The following SMAGP variants were observed in gnomAD, a reference collection of about 807,000 sequenced individuals.
The protein encoded by SMAGP is small cell transmembrane and glycosylated protein.
SMAGP carries 7 observed loss-of-function variants against 10.1 expected under a neutral mutation model. The ratio of observed to expected loss-of-function variants is 0.70; its 90% confidence interval spans 0.40 to 1.31. The LOEUF is 1.31. SMAGP is among the 50% of genes most tolerant of loss of function. The pLI, the probability that SMAGP is intolerant of heterozygous loss-of-function variation, is 0.01. For missense variants in SMAGP, 113 were observed against 116.5 expected (o/e 0.97, Z 0.14); for synonymous variants, 49 against 47.2 (o/e 1.04, Z -0.16).
chr12:51,258,949 C>T (rs577347036), intron 2 of SMAGP, among the ~76,000 whole-genome samples: 1 of 143,486 alleles, frequency 7.0e-6, no homozygotes, highest in Non-Finnish European at 1.5e-5. Context: ...GAGTTCAAAG[C>T]CAGCCTGGGC....
Position 51,270,372 on chromosome 12 carries a change from C to G in SMAGP, c.-155G>C. 2 of 204,848 alleles carry G rather than the reference C, an allele frequency of 9.8e-6. No homozygotes were observed. The highest frequency in any genetic ancestry group is 4.6e-5 in the African/African-American group (2 of 43,852). 12.7% of individuals were successfully genotyped at this position (204,848 alleles called of 1,614,324 possible). A position where few individuals can be genotyped will look rare whatever the true frequency, so the allele number is the denominator to read the frequency against. On this transcript the variant is annotated 5_prime_UTR_variant, in exon 1 of 4. Coordinates refer to ENST00000603798, the MANE Select transcript of SMAGP (RefSeq NM_001031628.2). ...GGCCAGCAGAGGCCGAACGAGGACC[C>G]CGAGCGGAGGAAGCCGCGGGTGGCG...
intron 2 of SMAGP, among the ~76,000 whole-genome samples, chr12:51,262,690 C>T (rs1021994814): frequency 2.2e-4 from 33 of 152,156 alleles, no homozygotes; most frequent in Admixed American, 2.6e-4. Context: ...CACCCAAGTC[C>T]TAACCAATAG....
chr12:51,269,817 C>G (rs951358018), intron 1 of SMAGP: 3 of 152,350 alleles, frequency 2.0e-5, no homozygotes, highest in African/African-American at 7.2e-5. Flanking sequence ...GGCCGTGGGC[C>G]GCCTTCTGGC....
chr12:51,269,138 A>G, intron 2 of SMAGP, 107 bp downstream of exon 2: 1 of 1,206,508 alleles, frequency 8.3e-7, no homozygotes, highest in South Asian at 1.2e-5. Flanking sequence ...AGGCAGGCAG[A>G]GAGAGGTGGG....
intron 2 of SMAGP, among the ~76,000 whole-genome samples, chr12:51,252,203 C>T (rs1309560015): frequency 2.0e-5 from 3 of 151,304 alleles, no homozygotes; most frequent in African/African-American, 7.3e-5. Context: ...TAGCGATTCT[C>T]CTGCCTCAGC....
Position 51,246,037 on chromosome 12 carries a change from G to T in SMAGP, c.198C>A (p.Tyr66Ter). 6.2e-7 allele frequency: 1 copy of T among 1,613,958 alleles called. No individual in the cohort carries two copies. Among genetic ancestry groups the T allele is most frequent in the South Asian group, 1.1e-5 (1 of 91,076 alleles). ...FFYLYKNKGSYVTYEPTEGEP... is the reference protein window; with the variant it reads ...FFYLYKNKGS ...CACCTTCTGTAGGTTCATAGGTGAC[G>T]TAGCTGCCTTTGTTCTTGTACAGGT... is the stretch of plus-strand genomic sequence containing the variant. The change falls in exon 4 of 4, where the codon TAC (tyrosine) becomes TAA (stop). Residue 66 changes from tyrosine (Y) to a stop codon, truncating the protein, a stop_gained. Coordinates refer to ENST00000603798, the MANE Select transcript of SMAGP (RefSeq NM_001031628.2). LOFTEE classifies it high-confidence loss of function.
chr12:51,263,752 C>T (rs916506718), intron 2 of SMAGP, among the ~76,000 whole-genome samples: 2 of 152,218 alleles, frequency 1.3e-5, no homozygotes, highest in Non-Finnish European at 2.9e-5. Context: ...TGCCCTACTT[C>T]GAATAGGGCT....
At chr12:51,251,512 G>A (rs1944838403) in intron 2 of SMAGP, 4 of 151,412 alleles carry the variant, frequency 2.6e-5, no homozygotes, top group Admixed American at 2.6e-4. Context: ...GATCACTGGA[G>A]CCCAGGAGGT....
rs1390891675 is a variant in SMAGP at position 51,245,932 on chromosome 12, T to C, written c.*9A>G. The C allele has an allele frequency of 6.2e-7, 1 of 1,611,072 alleles. No individual in the cohort carries two copies. The highest frequency in any genetic ancestry group is 8.5e-7 in the Non-Finnish European group (1 of 1,178,046). On this transcript the variant is annotated 3_prime_UTR_variant, in exon 4 of 4. Coordinates refer to ENST00000603798, the MANE Select transcript of SMAGP (RefSeq NM_001031628.2). ...AGCCAGGAATAAGCTCCTTGGGGCC[T>C]GGGAGTCATTAGATGAAATATTCCT...
At chr12:51,262,006 G>C (rs1944936394) in intron 2 of SMAGP, among the ~76,000 whole-genome samples, 2 of 151,980 alleles carry the variant, frequency 1.3e-5, no homozygotes, top group African/African-American at 4.8e-5. Context: ...TGGAGGCTGA[G>C]GTGGGAGGAT....
intron 2 of SMAGP, among the ~76,000 whole-genome samples, chr12:51,254,171 A>T (rs1043287373): frequency 1.5e-4 from 23 of 152,304 alleles, no homozygotes; most frequent in African/African-American, 5.3e-4. Context: ...TAAAATGGTC[A>T]ATTTTATGTT....
At position 51,245,746 on chromosome 12, in the gene SMAGP, T is replaced by A; in HGVS notation, c.*195A>T. 2 of 574,788 alleles carry A rather than the reference T, an allele frequency of 3.5e-6. No individual in the cohort carries two copies. Among genetic ancestry groups the A allele is most frequent in the Non-Finnish European group, 6.1e-6 (2 of 327,958 alleles). The allele number at this position is 574,788 out of a possible 1,614,324, so 35.6% of individuals were successfully genotyped here. On this transcript the variant is annotated 3_prime_UTR_variant, in exon 4 of 4. Transcript: ENST00000603798. ...TAGTAAGAGGGCCTGGTTAAAGATA[T>A]CATAAACAGCTTTCTCCATGTCCCT...
At chr12:51,252,522 G>A (rs914581739) in intron 2 of SMAGP, among the ~76,000 whole-genome samples, 1 of 151,992 alleles carries the variant, frequency 6.6e-6, no homozygotes, top group Non-Finnish European at 1.5e-5. Flanking sequence ...CTCCCAAGTA[G>A]CTGGAATTAC....
chr12:51,251,352 AG>A (rs1944835767), intron 2 of SMAGP: 1 of 149,828 alleles, frequency 6.7e-6, no homozygotes, highest in Non-Finnish European at 1.5e-5. Context: ...AGGCCAAGGC[AG>A]GTGGATCGCT....
intron 2 of SMAGP, among the ~76,000 whole-genome samples, chr12:51,250,020 C>T (rs1168316222): frequency 7.2e-5 from 11 of 151,898 alleles, no homozygotes; most frequent in Non-Finnish European, 5.9e-5. Flanking sequence ...AACATGTAAA[C>T]ATCATATAGT....
At chr12:51,268,528 CCCTT>C (rs930969468) in intron 2 of SMAGP, among the ~76,000 whole-genome samples, 1 of 151,906 alleles carries the variant, frequency 6.6e-6, no homozygotes, top group Non-Finnish European at 1.5e-5. Flanking sequence ...GAATGTAAAG[CCCTT>C]CCTTTAGGCT....
intron 3 of SMAGP, chr12:51,246,394 G>A (rs1944770103): frequency 6.3e-6 from 3 of 476,316 alleles, no homozygotes; most frequent in Non-Finnish European, 1.1e-5. Context: ...TTAAAGAAAC[G>A]GGAAGGAGGG....
At chr12:51,248,971 T>C (rs1263254779) in intron 2 of SMAGP, among the ~76,000 whole-genome samples, 2 of 148,262 alleles carry the variant, frequency 1.3e-5, no homozygotes, top group Non-Finnish European at 3.0e-5. Flanking sequence ...TCCCAGCTAC[T>C]TGGGAGGCTG....
rs566263070 is a variant in SMAGP at position 51,270,365 on chromosome 12, G to C, written c.-148C>G. The stretch of plus-strand genomic sequence containing the variant: ...TCGCGGAGGCCAGCAGAGGCCGAAC[G>C]AGGACCCCGAGCGGAGGAAGCCGCG... On this transcript the variant is annotated 5_prime_UTR_variant, in exon 1 of 4. Coordinates refer to ENST00000603798, the MANE Select transcript of SMAGP (RefSeq NM_001031628.2). The C allele has an allele frequency of 2.7e-3, 529 of 197,826 alleles. 20 individuals are homozygous for C. In the Admixed American group the frequency reaches 0.03, roughly 11 times the overall value. 12.3% of individuals were successfully genotyped at this position (197,826 alleles called of 1,614,324 possible). A position where few individuals can be genotyped will look rare whatever the true frequency, so the allele number is the denominator to read the frequency against.
Sources: gnomAD v4.1 joint callset for allele counts (sites outside exome capture counted in the v4.1 genomes callset) on GRCh38, gnomAD v4.1.1 for gene constraint, MANE v1.5 for transcripts, NCBI Gene and HGNC (gene_info 2026-07-23, HGNC 2026-07-21) for gene names.